The following TBCEL variants were observed in gnomAD, a reference collection of about 807,000 sequenced individuals.
TBCEL encodes the protein tubulin-specific chaperone cofactor E-like protein.
TBCEL carries 15 observed loss-of-function variants against 44.2 expected under a neutral mutation model. The observed-to-expected ratio is 0.34, with a 90% CI of 0.23 to 0.52. The LOEUF is 0.52. Among genes scored for constraint, TBCEL ranks in the 20% least tolerant of loss-of-function variants. The pLI is 0.95. For synonymous variants in TBCEL, 171 were observed against 185.4 expected, an observed-to-expected ratio of 0.92 and a Z score of 0.63; for missense variants, 319 against 506.3, an observed-to-expected ratio of 0.63 and a Z score of 3.55.
chr11:121,042,424 C>T (rs1168398312), intron 2 of TBCEL, among the ~76,000 whole-genome samples: 2 of 151,982 alleles, frequency 1.3e-5, no homozygotes, highest in Non-Finnish European at 2.9e-5. Flanking sequence ...CCTGAAGTTC[C>T]GAAAGCCCTA....
In TBCEL at chr11:121,065,592, G is replaced by GA. The variant is rs367618364; in HGVS notation, c.956+5513dup. Among the ~76,000 whole-genome samples, 790 of 152,260 alleles carry GA rather than the reference G, an allele frequency of 5.2e-3. 5 individuals carry two copies. The highest frequency in any genetic ancestry group is 0.017 in the African/African-American group (727 of 41,558). On this transcript the variant is annotated intron_variant, in intron 8 of 8. Coordinates refer to ENST00000683345, the MANE Select transcript of TBCEL (RefSeq NM_001363644.2). ...TTACATCAGCTCTATTTTTGTAAGA[G>GA]AAAAAAGATCATTTTATTAACAGTA...
intron 8 of TBCEL, among the ~76,000 whole-genome samples, chr11:121,061,899 A>G (rs952954083): frequency 1.3e-5 from 2 of 152,082 alleles, no homozygotes; most frequent in Admixed American, 1.3e-4. Context: ...TTAATAGTAA[A>G]TCAACCTTAG....
intron 4 of TBCEL, among the ~76,000 whole-genome samples, chr11:121,048,784 A>G (rs1591392106): frequency 2.0e-5 from 3 of 151,940 alleles, no homozygotes; most frequent in African/African-American, 7.2e-5. Flanking sequence ...CTCTTTAGCC[A>G]TATACTTTTA....
chr11:121,060,272 C>G (rs1945697210), intron 8 of TBCEL, among the ~76,000 whole-genome samples, 187 bp downstream of exon 8: 2 of 151,908 alleles, frequency 1.3e-5, no homozygotes, highest in South Asian at 4.1e-4. Flanking sequence ...ATATTTCTTT[C>G]AGCTTTGCAC....
At chr11:121,063,047 A>T (rs190463045) in intron 8 of TBCEL, among the ~76,000 whole-genome samples, 1 of 152,226 alleles carries the variant, frequency 6.6e-6, no homozygotes, top group East Asian at 1.9e-4. Context: ...CAAAGTTCCT[A>T]CCTTCATGGA....
intron 1 of TBCEL, among the ~76,000 whole-genome samples, chr11:121,027,684 T>G (rs557812956): frequency 6.6e-6 from 1 of 152,242 alleles, no homozygotes; most frequent in Non-Finnish European, 1.5e-5. Context: ...TCTCATTTCA[T>G]TTCAGATGAC....
At chr11:121,081,122 A>G (rs984500236) in intron 8 of TBCEL, among the ~76,000 whole-genome samples, 3 of 152,204 alleles carry the variant, frequency 2.0e-5, no homozygotes, top group Admixed American at 1.3e-4. Flanking sequence ...ATTTAATAAG[A>G]AGGGGGAAAA....
At chr11:121,066,335 C>G (rs758139496) in intron 8 of TBCEL, among the ~76,000 whole-genome samples, 1 of 152,198 alleles carries the variant, frequency 6.6e-6, no homozygotes, top group African/African-American at 2.4e-5. Context: ...TATAGTTAGA[C>G]AGGCTTATAT....
At chr11:121,071,688 T>C (rs1367264567) in intron 8 of TBCEL, among the ~76,000 whole-genome samples, 3 of 152,232 alleles carry the variant, frequency 2.0e-5, no homozygotes, top group Admixed American at 6.5e-5. Context: ...GTATGCTTTT[T>C]AAAATATGGA....
At chr11:121,060,657 CTT>C in intron 8 of TBCEL, among the ~76,000 whole-genome samples, 1 of 151,800 alleles carries the variant, frequency 6.6e-6, no homozygotes, top group Admixed American at 6.6e-5. Context: ...GAGGAACTAA[CTT>C]TAATTCTGTA....
At chr11:121,069,166 G>A (rs987048770) in intron 8 of TBCEL, among the ~76,000 whole-genome samples, 13 of 151,972 alleles carry the variant, frequency 8.6e-5, no homozygotes, top group African/African-American at 3.1e-4. Context: ...CTTGTATATT[G>A]TCAATCTCCC....
intron 8 of TBCEL, among the ~76,000 whole-genome samples, chr11:121,078,163 A>G (rs1946063948): frequency 6.6e-6 from 1 of 152,142 alleles, no homozygotes; most frequent in Non-Finnish European, 1.5e-5. Context: ...CAGGTCTTTT[A>G]TATCATTAAC....
At chr11:121,035,802 T>C (rs1189222951) in intron 1 of TBCEL, 1 of 152,236 alleles carries the variant, frequency 6.6e-6, no homozygotes, top group Non-Finnish European at 1.5e-5. Flanking sequence ...AGAATCTTGC[T>C]TTTTGGAAGG....
intron 8 of TBCEL, among the ~76,000 whole-genome samples, chr11:121,071,995 C>T (rs1022312722): frequency 1.3e-5 from 2 of 152,310 alleles, no homozygotes; most frequent in Non-Finnish European, 2.9e-5. Context: ...GCACTCCTAG[C>T]ACTCCTCACA....
intron 4 of TBCEL, among the ~76,000 whole-genome samples, chr11:121,049,286 T>C (rs1945487504): frequency 6.6e-6 from 1 of 151,880 alleles, no homozygotes; most frequent in Admixed American, 6.6e-5. Context: ...AAATTAATCA[T>C]TGAAACACTT....
chr11:121,064,763 C>A (rs888886959), intron 8 of TBCEL, among the ~76,000 whole-genome samples: 5 of 152,112 alleles, frequency 3.3e-5, no homozygotes, highest in African/African-American at 1.2e-4. Context: ...TAACGGAGAA[C>A]AGGTAGAAGG....
intron 2 of TBCEL, among the ~76,000 whole-genome samples, chr11:121,039,689 G>A (rs770440253): frequency 1.3e-5 from 2 of 152,228 alleles, no homozygotes; most frequent in Admixed American, 6.5e-5. Flanking sequence ...CAATTGGTAA[G>A]GAAATTCTCA....
Position 121,045,775 on chromosome 11 carries a change from G to T in TBCEL, c.85G>T (p.Gly29Trp). ...PENFPYRRGP[G>W]MGVHVPATPQ... ...AAATTTTCCTTATCGCCGTGGCCCG[G>T]GGATGGGAGTCCATGTCCCAGCCAC... The change falls in exon 3 of 9, where the codon GGG becomes TGG. Residue 29 changes from glycine (G) to tryptophan (W), a missense_variant. Physicochemically the swap from Gly to Trp is radical, Grantham distance 184 (BLOSUM62 -2). Coordinates refer to ENST00000683345, the MANE Select transcript of TBCEL (RefSeq NM_001363644.2). 6.2e-7 allele frequency: 1 copy of T among 1,611,380 alleles called. No individual in the cohort carries two copies. Among genetic ancestry groups the T allele is most frequent in the Non-Finnish European group, 8.5e-7 (1 of 1,179,060 alleles).
rs138218777 is a variant in TBCEL, at chr11:121,058,283, A to C, written c.713-62A>C. ...TACTAATTGAGCTAATATTTTTGCT[A>C]TGTTTCTCTTCTTATTTATGTGCAT... On this transcript the variant is annotated intron_variant, in intron 6 of 8. Transcript: ENST00000683345. 23 of 1,561,606 alleles carry C rather than the reference A, an allele frequency of 1.5e-5. No homozygotes were observed. In the African/African-American group the frequency reaches 2.5e-4, roughly 17 times the overall value.
Sources: gnomAD v4.1 joint callset for allele counts (sites outside exome capture counted in the v4.1 genomes callset) on GRCh38, gnomAD v4.1.1 for gene constraint, MANE v1.5 for transcripts, NCBI Gene and HGNC (gene_info 2026-07-23, HGNC 2026-07-21) for gene names.